Variants in ATP13A2 observed in about 807,000 individuals in gnomAD.
ATP13A2 encodes the protein polyamine-transporting ATPase 13A2.
A neutral mutation model predicts 138.3 loss-of-function variants in ATP13A2; 83 were observed. The ratio of observed to expected loss-of-function variants is 0.60; its 90% CI spans 0.50 to 0.72. The LOEUF (loss-of-function observed/expected upper bound fraction) is 0.72, where lower values mean the gene tolerates loss of function less well. Among genes scored for constraint, ATP13A2 ranks in the 30% least tolerant of loss-of-function variants. The pLI, the probability that ATP13A2 is intolerant of heterozygous loss-of-function variation, is 0.00. For missense variants in ATP13A2, 1,402 were observed against 1,606.4 expected, an observed-to-expected ratio of 0.87 and a Z score of 2.17; for synonymous variants, 663 against 699.0, an observed-to-expected ratio of 0.95 and a Z score of 0.81.
chr1:17,011,833 G>A lies in ATP13A2; in HGVS notation c.-95C>T. 1 of 1,074,166 alleles carries A rather than the reference G, an allele frequency of 9.3e-7. No homozygotes were observed. Among genetic ancestry groups the A allele is most frequent in the Non-Finnish European group, 1.1e-6 (1 of 887,240 alleles). 66.5% of individuals were successfully genotyped at this position (1,074,166 alleles called of 1,614,324 possible). ...CCCTGGGCGGGGGCGCGGTCCGGAC[G>A]GCCCGGGGCGAGGGGCGCTGGGCTA... On this transcript the variant is annotated 5_prime_UTR_variant, in exon 1 of 29. Transcript: ENST00000326735. The surrounding 1 kb of genome is among the most constrained non-coding windows in gnomAD (Gnocchi z 7.3).
rs1333031815 is a variant in ATP13A2 at position 16,986,670 on chromosome 1, C to A, written c.3236-38G>T. ...GAGTCTCTCAGGCAGGAGCCACGCCCCCCCGGCACCCACAGACACACGTGT... is the reference window on the plus strand; with the variant it reads ...GAGTCTCTCAGGCAGGAGCCACGCCACCCCGGCACCCACAGACACACGTGT... On this transcript the variant is annotated intron_variant, in intron 27 of 28. Transcript: ENST00000326735. The surrounding 1 kb of genome is among the most constrained non-coding windows in gnomAD (Gnocchi z 6.9). 3 of 1,579,664 alleles carry A rather than the reference C, an allele frequency of 1.9e-6. No homozygotes were observed. Among genetic ancestry groups the A allele is most frequent in the Non-Finnish European group, 1.7e-6 (2 of 1,167,454 alleles).
At chr1:17,001,188 C>T (rs1464576741) in intron 8 of ATP13A2, among the ~76,000 whole-genome samples, 2 of 149,390 alleles carry the variant, frequency 1.3e-5, no homozygotes, top group Admixed American at 1.4e-4. Flanking sequence ...AAGGCCGAGG[C>T]AGGTGGGTCA....
chr1:16,988,594 C>T lies in ATP13A2; in HGVS notation c.2610-120G>A, dbSNP rs114533414. On this transcript the variant is annotated intron_variant, in intron 23 of 28. Transcript: ENST00000326735. ...CACATGGTGCCTGGTGTACAGGAGG[C>T]GCTCAGTGAATAGATGCAATTATTA... The T allele has an allele frequency of 2.3e-3, 2,467 of 1,087,610 alleles. 44 individuals are homozygous for T. In the African/African-American group the frequency reaches 0.035, roughly 15 times the overall value. 67.4% of individuals were successfully genotyped at this position (1,087,610 alleles called of 1,614,324 possible).
In ATP13A2 at chr1:17,004,606, G is replaced by A; in HGVS notation, c.477+86C>T. 3 of 1,610,020 alleles carry A rather than the reference G, an allele frequency of 1.9e-6. No individual in the cohort carries two copies. Among genetic ancestry groups the A allele is most frequent in the Non-Finnish European group, 2.5e-6 (3 of 1,176,964 alleles). ...TTTGGGACAACAGAACTAAAAGGTG[G>A]TGGGAGAACATGAAGTCTGACTCTC... On this transcript the variant is annotated intron_variant, in intron 5 of 28. Coordinates refer to ENST00000326735, the MANE Select transcript of ATP13A2 (RefSeq NM_022089.4). This position sits in a 1 kb window ranked among gnomAD's most constrained non-coding sequence, Gnocchi z 4.1.
chr1:16,990,164 A>G lies in ATP13A2; in HGVS notation c.2375T>C (p.Leu792Pro). ...ERGQPASLEFLPMESPTAVNG... is the reference protein window; with the variant it reads ...ERGQPASLEFPPMESPTAVNG... ...CACGGCTGTGGGGGACTCCATCGGC[A>G]GGAACTCGAGAGAGGCAGGCTGACC... Residue 792 changes from leucine (L) to proline (P), a missense_variant, in exon 21 of 29, where the codon CTG becomes CCG. Transcript: ENST00000326735. 6.2e-7 allele frequency: 1 copy of G among 1,614,100 alleles called. No individual in the cohort carries two copies. Among genetic ancestry groups the G allele is most frequent in the Non-Finnish European group, 8.5e-7 (1 of 1,180,028 alleles).
chr1:16,999,380 CAAAAAAAAAAA>C (rs67969184), intron 11 of ATP13A2, among the ~76,000 whole-genome samples: 1 of 56,178 alleles, frequency 1.8e-5, no homozygotes, highest in Non-Finnish European at 3.1e-5. Context: ...AACTCCATCT[CAAAAAAAAAAA>C]AAAAAAAAAA....
chr1:16,986,772 G>T lies in ATP13A2; in HGVS notation c.3235+33C>A. 6.2e-7 allele frequency: 1 copy of T among 1,602,294 alleles called. No homozygotes were observed. The highest frequency in any genetic ancestry group is 1.7e-5 in the Admixed American group (1 of 58,740). ...CACCCCAGGGCTCCTCCCTCCCTCCGCCAGCATCTCCCGCCCGCGCCCGCA... is the reference window on the plus strand; with the variant it reads ...CACCCCAGGGCTCCTCCCTCCCTCCTCCAGCATCTCCCGCCCGCGCCCGCA... On this transcript the variant is annotated intron_variant, in intron 27 of 28. Transcript: ENST00000326735. The surrounding 1 kb of genome is among the most constrained non-coding windows in gnomAD (Gnocchi z 6.9).
Position 16,986,336 on chromosome 1 carries a change from G to T in ATP13A2, c.3428C>A (p.Pro1143His). The T allele has an allele frequency of 6.3e-7, 1 of 1,579,860 alleles. No homozygotes were observed. Among genetic ancestry groups the T allele is most frequent in the Non-Finnish European group, 8.6e-7 (1 of 1,164,972 alleles). ...GGGCCGGAGGCGGCGCAGGCAGGCG[G>T]GGAGGCACTGGTCTAGCACGCTCTG... ...MLESVLDQCLPACLRRLRPKR... is the reference protein window; with the variant it reads ...MLESVLDQCLHACLRRLRPKR... The change falls in exon 29 of 29, where the codon CCC becomes CAC. Residue 1143 changes from proline to histidine, a missense_variant. Transcript: ENST00000326735. This position sits in a 1 kb window ranked among gnomAD's most constrained non-coding sequence, Gnocchi z 6.9.
intron 1 of ATP13A2, among the ~76,000 whole-genome samples, chr1:17,007,363 G>T (rs1164756469): frequency 6.6e-6 from 1 of 152,094 alleles, no homozygotes; most frequent in East Asian, 1.9e-4. Flanking sequence ...GCAGATGCCA[G>T]GGCCCTCCCC....
At position 16,991,729 on chromosome 1, in the gene ATP13A2, T is replaced by C. The variant is rs763122225; in HGVS notation, c.2251+5A>G. On this transcript the variant is annotated splice_donor_5th_base_variant and intron_variant, in intron 20 of 28. Coordinates refer to ENST00000326735, the MANE Select transcript of ATP13A2 (RefSeq NM_022089.4). ...GCTAGCCCGGGCCCCTACATGCCAT[T>C]GTACCTGTCACCATGACGGCGCGGA... 5.6e-6 allele frequency: 9 copies of C among 1,614,088 alleles called. No individual in the cohort carries two copies. In the Admixed American group the frequency reaches 8.3e-5, roughly 15 times the overall value.
intron 20 of ATP13A2, among the ~76,000 whole-genome samples, chr1:16,991,115 A>G (rs955451886): frequency 6.6e-6 from 1 of 151,386 alleles, no homozygotes; most frequent in African/African-American, 2.4e-5. Context: ...ATACCTGGCT[A>G]ATTTTTTGTA....
chr1:16,987,376 G>C, intron 25 of ATP13A2, 107 bp from the exon 26 acceptor site: 2 of 1,086,152 alleles, frequency 1.8e-6, no homozygotes, highest in Non-Finnish European at 2.8e-6. Flanking sequence ...TGATGGGTAA[G>C]GCATCCCCCA....
intron 3 of ATP13A2, 141 bp from the exon 4 acceptor site, chr1:17,005,213 T>C (rs766460062): frequency 7.8e-5 from 114 of 1,456,554 alleles, no homozygotes; most frequent in Non-Finnish European, 1.0e-4. Context: ...ACCCGTCCCT[T>C]CTGCCCAATG....
rs560436144 is a variant in ATP13A2, at chr1:16,986,714, C to G, written c.3236-82G>C. On this transcript the variant is annotated intron_variant, in intron 27 of 28. Coordinates refer to ENST00000326735, the MANE Select transcript of ATP13A2 (RefSeq NM_022089.4). This position sits in a 1 kb window ranked among gnomAD's most constrained non-coding sequence, Gnocchi z 6.9. ...CACGTGTGCACGCCAGTCTTCCACT[C>G]GGCCGGCACCTCTCTCCCATCTGCC... is the stretch of plus-strand genomic sequence containing the variant. 18 of 1,569,366 alleles carry G rather than the reference C, an allele frequency of 1.1e-5. No homozygotes were observed. Among genetic ancestry groups the G allele is most frequent in the Non-Finnish European group, 1.4e-5 (16 of 1,162,034 alleles).
intron 6 of ATP13A2, among the ~76,000 whole-genome samples, chr1:17,003,169 TTCC>T (rs1443146832): frequency 6.6e-6 from 1 of 152,114 alleles, no homozygotes; most frequent in African/African-American, 2.4e-5. Context: ...CCCTCCGTGC[TTCC>T]ATCCCTTCCC....
rs923852177 is a variant in ATP13A2, at chr1:17,004,981, G to C, written c.347+33C>G. ...AAGTTGGGGAGGCCAGGGTAGCAGG[G>C]GCTTCTGGGAAGGGGCAATGGGGCT... On this transcript the variant is annotated intron_variant, in intron 4 of 28. Transcript: ENST00000326735. The surrounding 1 kb of genome is among the most constrained non-coding windows in gnomAD (Gnocchi z 4.1). The C allele has an allele frequency of 6.2e-7, 1 of 1,613,284 alleles. No individual in the cohort carries two copies. The highest frequency in any genetic ancestry group is 8.5e-7 in the Non-Finnish European group (1 of 1,179,912).
chr1:16,993,895 C>A (rs1441084562), intron 15 of ATP13A2, 60 bp from the exon 16 acceptor site: 17 of 1,418,124 alleles, frequency 1.2e-5, no homozygotes, highest in Middle Eastern at 2.4e-4. Context: ...CCCTGCTGAG[C>A]TGGGCCTCCA....
At chr1:16,992,924 C>G (rs1230759987) in intron 16 of ATP13A2, among the ~76,000 whole-genome samples, 1 of 152,188 alleles carries the variant, frequency 6.6e-6, no homozygotes, top group Non-Finnish European at 1.5e-5. Flanking sequence ...TATTATGTTA[C>G]TTTTATTTTA....
intron 6 of ATP13A2, among the ~76,000 whole-genome samples, chr1:17,002,822 T>C (rs899159449): frequency 6.6e-6 from 1 of 152,116 alleles, no homozygotes; most frequent in Non-Finnish European, 1.5e-5. Context: ...TGCTAAGTGA[T>C]GAATGCACGG....
Sources: gnomAD v4.1 joint callset for allele counts (sites outside exome capture counted in the v4.1 genomes callset) on GRCh38, gnomAD v4.1.1 for gene constraint, Gnocchi (gnomAD v3.1) non-coding constraint, MANE v1.5 for transcripts, NCBI Gene and HGNC (gene_info 2026-07-23, HGNC 2026-07-21) for gene names.